Variants in NKAIN2 observed in about 807,000 individuals in gnomAD.
NKAIN2 encodes the protein sodium/potassium-transporting ATPase subunit beta-1-interacting protein 2.
NKAIN2 carries 14 observed loss-of-function variants against 32.6 expected under a neutral mutation model. That is an observed-to-expected ratio of 0.43 (90% confidence interval 0.28 to 0.67). The LOEUF is 0.67. NKAIN2 is among the 30% of genes least tolerant of loss of function. The pLI, the probability that NKAIN2 is intolerant of heterozygous loss-of-function variation, is 0.17. For synonymous variants in NKAIN2, 80 were observed against 87.2 expected (o/e 0.92, Z 0.46); for missense variants, 198 against 258.3 (o/e 0.77, Z 1.60).
chr6:123,885,866 T>G (rs1773687448), intron 1 of NKAIN2, among the ~76,000 whole-genome samples: 1 of 151,716 alleles, frequency 6.6e-6, no homozygotes, highest in Admixed American at 6.6e-5. Flanking sequence ...CTAAAGTACT[T>G]TACTTGACTC....
intron 4 of NKAIN2, among the ~76,000 whole-genome samples, chr6:124,736,894 C>A (rs887830338): frequency 6.6e-6 from 1 of 151,914 alleles, no homozygotes; most frequent in African/African-American, 2.4e-5. Context: ...AGTAATTCAA[C>A]TTTCAGCTCT....
chr6:123,900,658 T>A (rs1371145161), intron 1 of NKAIN2, among the ~76,000 whole-genome samples: 2 of 150,526 alleles, frequency 1.3e-5, no homozygotes, highest in African/African-American at 4.9e-5. Context: ...AGCTTAGTTT[T>A]TGACATACAA....
At chr6:124,642,527 T>TA (rs1371899844) in intron 3 of NKAIN2, among the ~76,000 whole-genome samples, 1 of 152,162 alleles carries the variant, frequency 6.6e-6, no homozygotes, top group Non-Finnish European at 1.5e-5. Flanking sequence ...GGCAGTGCAA[T>TA]ACAGAACAGT....
chr6:124,249,695 T>C (rs998560500), intron 1 of NKAIN2, among the ~76,000 whole-genome samples: 2 of 152,060 alleles, frequency 1.3e-5, no homozygotes, highest in Non-Finnish European at 2.9e-5. Flanking sequence ...CATGGGAGTT[T>C]AGTGGACACC....
intron 1 of NKAIN2, among the ~76,000 whole-genome samples, chr6:124,084,569 G>C (rs77881155): frequency 0.029 from 4,431 of 151,926 alleles, 196 homozygotes; most frequent in African/African-American, 0.098. Context: ...TTTTTGTGTA[G>C]CACTAATCTT....
chr6:123,982,041 A>G (rs897087080), intron 1 of NKAIN2, among the ~76,000 whole-genome samples: 1 of 152,172 alleles, frequency 6.6e-6, no homozygotes, highest in East Asian at 1.9e-4. Context: ...CTGTAGGTTA[A>G]GTCTAGCAAA....
At chr6:123,851,244 ATTTTT>A (rs59287833) in intron 1 of NKAIN2, among the ~76,000 whole-genome samples, 9 of 88,196 alleles carry the variant, frequency 1.0e-4, no homozygotes, top group Non-Finnish European at 1.4e-4. Context: ...TGGTGGTTCT[ATTTTT>A]TTTTTTTTTT....
chr6:123,976,817 A>G (rs1778659606), intron 1 of NKAIN2, among the ~76,000 whole-genome samples: 1 of 152,200 alleles, frequency 6.6e-6, no homozygotes, highest in Non-Finnish European at 1.5e-5. Context: ...TATACAGTGT[A>G]CAAAATTGTG....
chr6:124,461,552 T>A (rs1256562418), intron 3 of NKAIN2, among the ~76,000 whole-genome samples: 1 of 151,848 alleles, frequency 6.6e-6, no homozygotes, highest in Non-Finnish European at 1.5e-5. Context: ...ATATATTTTT[T>A]AAAAGTTTCC....
chr6:124,599,515 C>CT (rs1782227497), intron 3 of NKAIN2, among the ~76,000 whole-genome samples: 1 of 152,132 alleles, frequency 6.6e-6, no homozygotes, highest in Non-Finnish European at 1.5e-5. Context: ...ATAGAAGGTA[C>CT]TTTTAATCTG....
intron 4 of NKAIN2, among the ~76,000 whole-genome samples, chr6:124,660,291 A>G (rs373612330): frequency 5.3e-5 from 8 of 152,186 alleles, no homozygotes; most frequent in East Asian, 3.8e-4. Flanking sequence ...ATATATGACT[A>G]TTTATAGAGT....
At chr6:124,148,262 C>A (rs1022946879) in intron 1 of NKAIN2, among the ~76,000 whole-genome samples, 1 of 150,240 alleles carries the variant, frequency 6.7e-6, no homozygotes, top group Non-Finnish European at 1.5e-5. Context: ...TGAAAAAATG[C>A]GAATAATAAA....
chr6:124,225,538 T>C (rs1418603546), intron 1 of NKAIN2, among the ~76,000 whole-genome samples: 2 of 151,998 alleles, frequency 1.3e-5, no homozygotes, highest in South Asian at 2.1e-4. Flanking sequence ...GATTGGAAAG[T>C]ACATTACATC....
At chr6:124,307,069 C>T (rs950830875) in intron 2 of NKAIN2, among the ~76,000 whole-genome samples, 1 of 151,892 alleles carries the variant, frequency 6.6e-6, no homozygotes, top group Non-Finnish European at 1.5e-5. Context: ...AGGAAAAGGC[C>T]CGCTCGGGAA....
chr6:124,644,427 C>A (rs1784096212), intron 3 of NKAIN2, among the ~76,000 whole-genome samples: 1 of 144,632 alleles, frequency 6.9e-6, no homozygotes, highest in African/African-American at 2.6e-5. Context: ...TTTTTTGAGA[C>A]ATAGTCTCGC....
chr6:124,646,514 A>G (rs948639264), intron 3 of NKAIN2, among the ~76,000 whole-genome samples: 1 of 152,296 alleles, frequency 6.6e-6, no homozygotes. Context: ...AATATTGTCT[A>G]GACTATAATT....
At position 124,381,356 on chromosome 6, in the gene NKAIN2, A is replaced by G. The variant is rs74632165; in HGVS notation, c.273+26009A>G. Among the ~76,000 whole-genome samples the G allele has an allele frequency of 7.1e-3, 1,079 of 152,298 alleles. 10 individuals are homozygous for G. The highest frequency in any genetic ancestry group is 0.025 in the African/African-American group (1,026 of 41,574). On this transcript the variant is annotated intron_variant, in intron 3 of 6. Coordinates refer to ENST00000368417, the MANE Select transcript of NKAIN2 (RefSeq NM_001040214.3). The stretch of plus-strand genomic sequence containing the variant: ...AAATATTCATAGCTATCACAGAAGT[A>G]AATCAAAACTTTTACAGTTCTCAGT...
intron 3 of NKAIN2, among the ~76,000 whole-genome samples, chr6:124,540,415 C>G (rs1181097243): frequency 6.6e-6 from 1 of 152,206 alleles, no homozygotes; most frequent in Non-Finnish European, 1.5e-5. Context: ...AGTTATAAAG[C>G]TATCTTTCTC....
intron 3 of NKAIN2, among the ~76,000 whole-genome samples, chr6:124,370,894 C>T (rs923438808): frequency 6.6e-6 from 1 of 152,076 alleles, no homozygotes; most frequent in Non-Finnish European, 1.5e-5. Context: ...ACCAGAAAGC[C>T]TACAGAATGA....
Sources: allele counts gnomAD v4.1 joint callset (sites outside exome capture counted in the v4.1 genomes callset), GRCh38; gene constraint gnomAD v4.1.1; transcripts MANE v1.5; gene names NCBI Gene and HGNC (gene_info 2026-07-23, HGNC 2026-07-21).